The following SORCS1 variants were observed in gnomAD, a reference collection of about 807,000 sequenced individuals.
SORCS1 encodes VPS10 domain-containing receptor SorCS1.
In SORCS1, 60 loss-of-function variants were observed where a neutral mutation model predicts 146.1. The ratio of observed to expected loss-of-function variants is 0.41; its 90% CI spans 0.33 to 0.51. The LOEUF is 0.51. Ranked by LOEUF, SORCS1 falls within the 20% of genes least tolerant of loss-of-function variation. The probability of loss-of-function intolerance (pLI) is 0.21; values close to 1 mark genes in which losing one functional copy is unlikely to be tolerated. For synonymous variants in SORCS1, 637 were observed against 584.0 expected (o/e 1.09, Z -1.31); for missense variants, 1,352 against 1,487.6 (o/e 0.91, Z 1.50).
chr10:106,632,299 C>T (rs138427527), intron 18 of SORCS1, among the ~76,000 whole-genome samples: 74 of 152,262 alleles, frequency 4.9e-4, no homozygotes, highest in South Asian at 3.9e-3. Flanking sequence ...TTCCTGCTGT[C>T]GCTTTCCACT....
At chr10:106,985,883 T>A (rs1164941584) in intron 1 of SORCS1, among the ~76,000 whole-genome samples, 1 of 151,984 alleles carries the variant, frequency 6.6e-6, no homozygotes, top group African/African-American at 2.4e-5. Context: ...ATCTTATAGA[T>A]GATGAATATG....
chr10:107,047,972 A>G (rs931128009), intron 1 of SORCS1, among the ~76,000 whole-genome samples: 3 of 152,014 alleles, frequency 2.0e-5, no homozygotes, highest in African/African-American at 7.2e-5. Context: ...AGTCCCAGCT[A>G]TTCAGGAGGC....
chr10:107,047,876 T>C (rs548725877), intron 1 of SORCS1, among the ~76,000 whole-genome samples: 19 of 151,868 alleles, frequency 1.3e-4, no homozygotes, highest in African/African-American at 4.6e-4. Flanking sequence ...AGCTCAGGAG[T>C]TCGAGACCAG....
intron 3 of SORCS1, among the ~76,000 whole-genome samples, chr10:106,822,802 T>TTTTTTTTTTTTTG (rs994708912): frequency 5.0e-5 from 7 of 140,194 alleles, no homozygotes; most frequent in African/African-American, 1.7e-4. Flanking sequence ...TTTTTTTTTT[T>TTTTTTTTTTTTTG]GAATATTGCT....
At chr10:106,826,172 C>T (rs143584972) in intron 3 of SORCS1, among the ~76,000 whole-genome samples, 56 of 152,318 alleles carry the variant, frequency 3.7e-4, no homozygotes, top group African/African-American at 1.3e-3. Flanking sequence ...TGCTCTTGTC[C>T]GCACAAATGG....
At chr10:106,760,304 C>A (rs186891332) in intron 5 of SORCS1, among the ~76,000 whole-genome samples, 6 of 151,812 alleles carry the variant, frequency 4.0e-5, no homozygotes, top group Admixed American at 1.3e-4. Flanking sequence ...CTTAGCCAGG[C>A]GTGATGGTGG....
chr10:106,686,784 T>A (rs540553741), intron 10 of SORCS1, among the ~76,000 whole-genome samples: 9 of 152,192 alleles, frequency 5.9e-5, no homozygotes, highest in Admixed American at 2.0e-4. Flanking sequence ...GGTCAAGCTA[T>A]GGCTGCTGGC....
intron 2 of SORCS1, among the ~76,000 whole-genome samples, chr10:106,843,934 G>C (rs1484093122): frequency 1.3e-5 from 2 of 152,110 alleles, no homozygotes; most frequent in African/African-American, 2.4e-5. Context: ...AAAACTGCTG[G>C]ATCTATATGG....
chr10:106,635,644 A>G (rs917089563), intron 18 of SORCS1, among the ~76,000 whole-genome samples: 2 of 152,162 alleles, frequency 1.3e-5, no homozygotes, highest in Admixed American at 1.3e-4. Context: ...CACAAGAAAC[A>G]TTACAAAATA....
intron 1 of SORCS1, among the ~76,000 whole-genome samples, chr10:106,963,288 C>A (rs1371661787): frequency 6.6e-6 from 1 of 151,502 alleles, no homozygotes; most frequent in African/African-American, 2.4e-5. Flanking sequence ...GCTAACTTTC[C>A]GTATTTTTAG....
chr10:107,173,662 A>G, the SORCS1 span, among the ~76,000 whole-genome samples: 1 of 152,104 alleles, frequency 6.6e-6, no homozygotes, highest in African/African-American at 2.4e-5. Flanking sequence ...TTTTTCTAGA[A>G]GCTGTATTGT....
chr10:106,701,892 C>T (rs958979029), intron 8 of SORCS1, among the ~76,000 whole-genome samples: 1 of 152,170 alleles, frequency 6.6e-6, no homozygotes, highest in Non-Finnish European at 1.5e-5. Context: ...CTAATAGTGC[C>T]TGGCACTTAG....
chr10:106,607,669 C>A (rs1846700002), intron 22 of SORCS1, among the ~76,000 whole-genome samples: 1 of 152,172 alleles, frequency 6.6e-6, no homozygotes, highest in African/African-American at 2.4e-5. Flanking sequence ...CCTGGGGATT[C>A]AAATGTTAGC....
intron 2 of SORCS1, among the ~76,000 whole-genome samples, chr10:106,956,195 C>G (rs12355634): frequency 0.48 from 72,246 of 151,924 alleles, 18,764 homozygotes; most frequent in Non-Finnish European, 0.59. Flanking sequence ...TGTGCTGATT[C>G]TTCTGCAAAG....
intron 3 of SORCS1, among the ~76,000 whole-genome samples, chr10:106,797,414 C>T (rs821994): frequency 0.43 from 65,127 of 151,786 alleles, 14,135 homozygotes; most frequent in African/African-American, 0.47. Context: ...CTTGGAAATC[C>T]TGACCCCAAC....
chr10:107,177,722 T>C, the SORCS1 span, among the ~76,000 whole-genome samples: 3 of 152,240 alleles, frequency 2.0e-5, no homozygotes, highest in African/African-American at 7.2e-5. Flanking sequence ...CTTGAATGTT[T>C]ATCATTTCTT....
At chr10:106,665,679 A>T (rs1256892855) in intron 17 of SORCS1, among the ~76,000 whole-genome samples, 1 of 152,212 alleles carries the variant, frequency 6.6e-6, no homozygotes, top group East Asian at 1.9e-4. Context: ...ATCTCTAAAA[A>T]ATAAGACTTA....
At position 107,018,908 on chromosome 10, in the gene SORCS1, C is replaced by T. The variant is rs559397566; in HGVS notation, c.559-62328G>A. 5.9e-5 allele frequency among the ~76,000 whole-genome samples: 9 copies of T among 152,300 alleles called. No homozygotes were observed. The East Asian group carries it at 1.7e-3, about 29-fold the overall frequency. On this transcript the variant is annotated intron_variant, in intron 1 of 25. Transcript: ENST00000263054. Reference sequence around the variant, plus strand: ...AAAGAAAAATAATCTAGGCTTTTAACAGTACCGTTTGGTGGAAGCAACACT... The same window carrying T: ...AAAGAAAAATAATCTAGGCTTTTAATAGTACCGTTTGGTGGAAGCAACACT...
chr10:106,992,807 TTTC>T (rs1157811489), intron 1 of SORCS1, among the ~76,000 whole-genome samples: 1 of 140,474 alleles, frequency 7.1e-6, no homozygotes, highest in Non-Finnish European at 1.5e-5. Context: ...AGCTAATTTC[TTTC>T]TTCCTTTCTT....
Sources: gnomAD v4.1 joint callset for allele counts (sites outside exome capture counted in the v4.1 genomes callset) on GRCh38, gnomAD v4.1.1 for gene constraint, MANE v1.5 for transcripts, NCBI Gene and HGNC (gene_info 2026-07-23, HGNC 2026-07-21) for gene names.